Variants in ARHGAP8 observed in about 807,000 individuals in gnomAD.
ARHGAP8 encodes the protein rho GTPase-activating protein 8.
ARHGAP8 carries 62 observed loss-of-function variants against 46.1 expected under a neutral mutation model. The ratio of observed to expected loss-of-function variants is 1.34; its 90% CI spans 1.10 to 1.66. The LOEUF is 1.66. Ranked by LOEUF, ARHGAP8 falls within the 40% of genes most tolerant of loss-of-function variation. The pLI is 0.00. For synonymous variants in ARHGAP8, 375 were observed against 243.1 expected, an observed-to-expected ratio of 1.54 and a Z score of -5.05; for missense variants, 923 against 568.4, an observed-to-expected ratio of 1.62 and a Z score of -6.34.
chr22:44,764,223 G>A (rs1047385356), intron 1 of ARHGAP8, among the ~76,000 whole-genome samples: 1 of 152,194 alleles, frequency 6.6e-6, no homozygotes, highest in Non-Finnish European at 1.5e-5. Context: ...TGATGCAAGC[G>A]TGTTCTGTTG....
At chr22:44,783,644 G>A (rs1927007929) in intron 1 of ARHGAP8, among the ~76,000 whole-genome samples, 1 of 152,176 alleles carries the variant, frequency 6.6e-6, no homozygotes, top group African/African-American at 2.4e-5. Context: ...CCAGAGCTGT[G>A]CAAGCTTCCA....
At chr22:44,858,902 T>C (rs74672024) in intron 10 of ARHGAP8, among the ~76,000 whole-genome samples, 3 of 151,668 alleles carry the variant, frequency 2.0e-5, no homozygotes, top group East Asian at 1.9e-4. Context: ...ATAGTAAATA[T>C]GTTAGGCTTT....
chr22:44,776,780 T>C (rs1926456674), intron 1 of ARHGAP8, among the ~76,000 whole-genome samples: 1 of 152,168 alleles, frequency 6.6e-6, no homozygotes, highest in Non-Finnish European at 1.5e-5. Flanking sequence ...CGCTGCGCAC[T>C]GTAGGTGGCC....
chr22:44,862,616 T>TGG lies in ARHGAP8; in HGVS notation c.*21_*22insGG. The TGG allele has an allele frequency of 6.7e-7, 1 of 1,485,480 alleles. No homozygotes were observed. Among genetic ancestry groups the TGG allele is most frequent in the Non-Finnish European group, 9.0e-7 (1 of 1,115,292 alleles). 92.0% of individuals were successfully genotyped at this position (1,485,480 alleles called of 1,614,324 possible). A position where few individuals can be genotyped will look rare whatever the true frequency, so the allele number is the denominator to read the frequency against. ...TCTAGTGTTGCGAACACTCTGTATA[T>TGG]TTCGAGCTACCTCCCACACCTGTCT... On this transcript the variant is annotated 3_prime_UTR_variant, in exon 12 of 12. Transcript: ENST00000356099.
chr22:44,769,049 G>T (rs1925811415), intron 1 of ARHGAP8, among the ~76,000 whole-genome samples: 1 of 152,116 alleles, frequency 6.6e-6, no homozygotes, highest in Non-Finnish European at 1.5e-5. Flanking sequence ...TGGCCAGGCT[G>T]GTCTTGAACT....
At chr22:44,857,544 A>G (rs1219065282) in intron 10 of ARHGAP8, among the ~76,000 whole-genome samples, 3 of 152,188 alleles carry the variant, frequency 2.0e-5, no homozygotes, top group Non-Finnish European at 4.4e-5. Context: ...GAGTGTGCTG[A>G]TGCCAGGTTG....
intron 1 of ARHGAP8, among the ~76,000 whole-genome samples, chr22:44,781,148 C>T (rs764555208): frequency 3.3e-5 from 5 of 152,188 alleles, no homozygotes; most frequent in Admixed American, 6.5e-5. Flanking sequence ...AACCTACTGA[C>T]GACCCGCCGC....
intron 2 of ARHGAP8, among the ~76,000 whole-genome samples, chr22:44,794,386 G>A (rs1927926403): frequency 6.6e-6 from 1 of 152,182 alleles, no homozygotes; most frequent in East Asian, 1.9e-4. Context: ...GCTGGGTACA[G>A]CCCTTTGCTT....
chr22:44,765,298 C>T (rs1222380173), intron 1 of ARHGAP8: 1 of 152,428 alleles, frequency 6.6e-6, no homozygotes, highest in Non-Finnish European at 1.5e-5. Flanking sequence ...GGGGTGCATA[C>T]CTCAGGAGGT....
At chr22:44,787,362 T>C (rs980936482) in intron 2 of ARHGAP8, among the ~76,000 whole-genome samples, 3 of 141,998 alleles carry the variant, frequency 2.1e-5, no homozygotes, top group Non-Finnish European at 4.6e-5. Context: ...TTTGTTTTGT[T>C]TGAGACAGGG....
At chr22:44,758,884 TG>T (rs1379868930) in intron 1 of ARHGAP8, among the ~76,000 whole-genome samples, 8 of 152,156 alleles carry the variant, frequency 5.3e-5, no homozygotes, top group Admixed American at 2.0e-4. Context: ...AAGTTTGAGT[TG>T]GGAGAGAGGT....
intron 7 of ARHGAP8, among the ~76,000 whole-genome samples, chr22:44,831,666 T>C (rs1347919721): frequency 6.6e-6 from 1 of 152,020 alleles, no homozygotes; most frequent in African/African-American, 2.4e-5. Flanking sequence ...GCCATTACAC[T>C]CCAGCCTGGG....
At chr22:44,840,989 G>T (rs77078003) in intron 7 of ARHGAP8, among the ~76,000 whole-genome samples, 2,313 of 152,300 alleles carry the variant, frequency 0.015, 40 homozygotes, top group Middle Eastern at 0.048. Flanking sequence ...GGCACTGCCA[G>T]CTCCATGGCC....
intron 4 of ARHGAP8, among the ~76,000 whole-genome samples, chr22:44,813,514 CATACAT>C (rs570388989): frequency 2.3e-4 from 35 of 151,026 alleles, no homozygotes; most frequent in African/African-American, 7.4e-4. Flanking sequence ...CCTACATACA[CATACAT>C]ATACACACCT....
chr22:44,788,573 T>C (rs1927446525), intron 2 of ARHGAP8, among the ~76,000 whole-genome samples: 2 of 151,906 alleles, frequency 1.3e-5, no homozygotes, highest in Admixed American at 1.3e-4. Flanking sequence ...TTTATATCTT[T>C]AGTAGAGACA....
chr22:44,795,056 A>T (rs1282552207), intron 2 of ARHGAP8, among the ~76,000 whole-genome samples: 1 of 150,228 alleles, frequency 6.7e-6, no homozygotes, highest in Non-Finnish European at 1.5e-5. Flanking sequence ...AAAAAAAAAC[A>T]AAAAACGAAA....
intron 1 of ARHGAP8, among the ~76,000 whole-genome samples, chr22:44,762,322 G>C (rs975082888): frequency 3.3e-5 from 5 of 152,066 alleles, no homozygotes; most frequent in African/African-American, 1.2e-4. Flanking sequence ...TGTAGTCTCA[G>C]CTACTCGGGA....
chr22:44,799,304 G>T (rs1258685876), intron 2 of ARHGAP8, among the ~76,000 whole-genome samples: 2 of 152,260 alleles, frequency 1.3e-5, no homozygotes, highest in African/African-American at 4.8e-5. Flanking sequence ...CACTGGGGTT[G>T]GAGCCCCTGC....
intron 2 of ARHGAP8, among the ~76,000 whole-genome samples, chr22:44,788,141 T>G (rs188987528): frequency 6.6e-6 from 1 of 151,662 alleles, no homozygotes; most frequent in African/African-American, 2.4e-5. Flanking sequence ...TATTTTGAGA[T>G]GGAGTTTCAT....
Sources: allele counts gnomAD v4.1 joint callset (sites outside exome capture counted in the v4.1 genomes callset), GRCh38; gene constraint gnomAD v4.1.1; transcripts MANE v1.5; gene names NCBI Gene and HGNC (gene_info 2026-07-23, HGNC 2026-07-21).